MACO1: variants seen among roughly 807,000 people sequenced by gnomAD.
The protein encoded by MACO1 is macoilin 1, also known as macoilin.
MACO1 carries 14 observed loss-of-function variants against 78.7 expected under a neutral mutation model. The observed-to-expected ratio is 0.18, with a 90% CI of 0.12 to 0.28. The LOEUF (loss-of-function observed/expected upper bound fraction) is 0.28, where lower values mean the gene tolerates loss of function less well. Ranked by LOEUF, MACO1 falls within the 10% of genes least tolerant of loss-of-function variation. The pLI, the probability that MACO1 is intolerant of heterozygous loss-of-function variation, is 1.00. For synonymous variants in MACO1, 288 were observed against 291.6 expected, an observed-to-expected ratio of 0.99 and a Z score of 0.12; for missense variants, 501 against 799.0, an observed-to-expected ratio of 0.63 and a Z score of 4.50.
chr1:25,430,978 A>C lies in MACO1; in HGVS notation c.-121A>C, dbSNP rs1049906542. 7.1e-5 allele frequency: 23 copies of C among 324,768 alleles called. No individual in the cohort carries two copies. In the East Asian group the frequency reaches 1.1e-3, roughly 15 times the overall value. 20.1% of individuals were successfully genotyped at this position (324,768 alleles called of 1,614,324 possible). On this transcript the variant is annotated 5_prime_UTR_variant, in exon 1 of 11. It removes an upstream start codon present in the reference 5' UTR. Transcript: ENST00000374343. Reference sequence around the variant, plus strand: ...CCCCCTCCCCCCGGGTGCTGGCTCCATGTCTGTGTGACCGGCCTCAGGGGT... The same window carrying C: ...CCCCCTCCCCCCGGGTGCTGGCTCCCTGTCTGTGTGACCGGCCTCAGGGGT...
chr1:25,434,192 G>A (rs1246167200), intron 1 of MACO1, among the ~76,000 whole-genome samples: 1 of 152,160 alleles, frequency 6.6e-6, no homozygotes, highest in Non-Finnish European at 1.5e-5. Flanking sequence ...AGTGAAACAT[G>A]CTATAGAAAT....
chr1:25,455,233 TTC>T (rs1419782535), intron 4 of MACO1, among the ~76,000 whole-genome samples: 4 of 152,174 alleles, frequency 2.6e-5, no homozygotes, highest in Non-Finnish European at 5.9e-5. Flanking sequence ...TGAATATTAT[TTC>T]TCTTTATGTT....
At chr1:25,440,845 A>G (rs182461811) in intron 1 of MACO1, among the ~76,000 whole-genome samples, 169 of 152,212 alleles carry the variant, frequency 1.1e-3, no homozygotes, top group Admixed American at 7.6e-3. Context: ...ACATTTTTGC[A>G]TAGCTCTTTA....
intron 6 of MACO1, among the ~76,000 whole-genome samples, chr1:25,474,322 A>AC (rs1264853660): frequency 6.6e-6 from 1 of 152,062 alleles, no homozygotes; most frequent in African/African-American, 2.4e-5. Flanking sequence ...CCAGTTTGCA[A>AC]CCTCTGTGCC....
intron 1 of MACO1, among the ~76,000 whole-genome samples, chr1:25,444,807 G>A (rs568336296): frequency 7.9e-5 from 12 of 152,048 alleles, no homozygotes; most frequent in East Asian, 1.9e-4. Flanking sequence ...GGCTGGTCTC[G>A]AACTCCTGGA....
intron 6 of MACO1, 63 bp downstream of exon 6, chr1:25,458,955 C>T (rs1214426024): frequency 1.3e-6 from 2 of 1,544,498 alleles, no homozygotes; most frequent in African/African-American, 1.4e-5. Context: ...TCTTGACATA[C>T]TCCCATATGG....
Position 25,498,447 on chromosome 1 carries a change from A to G in MACO1, c.1976A>G (p.Tyr659Cys). 6.2e-7 allele frequency: 1 copy of G among 1,611,652 alleles called. No individual in the cohort carries two copies. Among genetic ancestry groups the G allele is most frequent in the Non-Finnish European group, 8.5e-7 (1 of 1,179,122 alleles). Residue 659 changes from tyrosine to cysteine, a missense_variant, in exon 11 of 11, where the codon TAC (tyrosine) becomes TGC (cysteine). Around this residue, in one of 5 missense-constraint regions of MACO1, gnomAD observed 66 missense variants for 101.6 expected, o/e 0.65. Coordinates refer to ENST00000374343, the MANE Select transcript of MACO1 (RefSeq NM_018202.6). The part of the protein sequence containing the change: ...PSGLDPNASV[Y>C]QPLKK ...GGACTTGACCCCAATGCCTCTGTTT[A>G]CCAGCCCCTGAAGAAATGAAGGCCA...
intron 3 of MACO1, among the ~76,000 whole-genome samples, chr1:25,452,441 T>G (rs954823184): frequency 1.4e-4 from 21 of 152,216 alleles, no homozygotes; most frequent in Non-Finnish European, 1.5e-5. Flanking sequence ...TGTTTTTAAT[T>G]ACAAAGGGAA....
At chr1:25,433,997 G>C (rs2042898529) in intron 1 of MACO1, among the ~76,000 whole-genome samples, 1 of 152,172 alleles carries the variant, frequency 6.6e-6, no homozygotes, top group Admixed American at 6.5e-5. Flanking sequence ...TCCTGTTGTG[G>C]ACTCACTTTT....
intron 6 of MACO1, among the ~76,000 whole-genome samples, chr1:25,474,508 C>T (rs902618416): frequency 2.0e-5 from 3 of 152,184 alleles, no homozygotes; most frequent in South Asian, 4.1e-4. Context: ...GTCTTCTGTG[C>T]TCCTAGAAAA....
intron 1 of MACO1, among the ~76,000 whole-genome samples, chr1:25,435,770 T>C (rs981830891): frequency 1.2e-4 from 18 of 152,344 alleles, no homozygotes; most frequent in Admixed American, 3.3e-4. Flanking sequence ...TAGAGGAGTG[T>C]TGGGGAAGGA....
chr1:25,480,605 A>C (rs1031242387), intron 6 of MACO1, among the ~76,000 whole-genome samples: 1 of 152,100 alleles, frequency 6.6e-6, no homozygotes, highest in African/African-American at 2.4e-5. Context: ...AGTCTTTGAT[A>C]AAATTTTTAT....
At chr1:25,470,070 T>A (rs987931305) in intron 6 of MACO1, among the ~76,000 whole-genome samples, 1 of 152,226 alleles carries the variant, frequency 6.6e-6, no homozygotes, top group Non-Finnish European at 1.5e-5. Context: ...ATTTGTTGAA[T>A]AGAAAGGACT....
intron 6 of MACO1, among the ~76,000 whole-genome samples, chr1:25,459,487 AT>A (rs67989933): frequency 0.29 from 43,081 of 146,332 alleles, 7,767 homozygotes; most frequent in Non-Finnish European, 0.43. Context: ...AATTAAAAGA[AT>A]TTTTTTTTTT....
At chr1:25,460,406 GTT>G (rs1175896905) in intron 6 of MACO1, among the ~76,000 whole-genome samples, 16 of 140,092 alleles carry the variant, frequency 1.1e-4, no homozygotes, top group Admixed American at 1.4e-4. Flanking sequence ...TCCTACACAT[GTT>G]TTTTTTTTTT....
At chr1:25,455,689 G>A (rs777158435) in intron 4 of MACO1, among the ~76,000 whole-genome samples, 10 of 152,100 alleles carry the variant, frequency 6.6e-5, no homozygotes, top group African/African-American at 9.7e-5. Context: ...TTAATTTGGT[G>A]ATACAAACCA....
intron 8 of MACO1, among the ~76,000 whole-genome samples, chr1:25,488,639 G>A (rs1457539267): frequency 8.0e-5 from 12 of 150,008 alleles, no homozygotes; most frequent in African/African-American, 2.2e-4. Flanking sequence ...GATTACAGAT[G>A]TGTGCCACTA....
At chr1:25,453,150 C>T (rs1276327357) in intron 3 of MACO1, among the ~76,000 whole-genome samples, 5 of 150,890 alleles carry the variant, frequency 3.3e-5, no homozygotes, top group Non-Finnish European at 5.9e-5. Flanking sequence ...AGATTACAGG[C>T]GCCTGCCACC....
At chr1:25,497,798 C>T (rs925801175) in intron 10 of MACO1, among the ~76,000 whole-genome samples, 1 of 152,214 alleles carries the variant, frequency 6.6e-6, no homozygotes, top group African/African-American at 2.4e-5. Context: ...CAAAAAAATT[C>T]CAGCTCAAGA....
Sources: gnomAD v4.1 joint callset for allele counts (sites outside exome capture counted in the v4.1 genomes callset) on GRCh38, gnomAD v4.1.1 for gene constraint, gnomAD v4.1.1 regional missense constraint, MANE v1.5 for transcripts, NCBI Gene and HGNC (gene_info 2026-07-23, HGNC 2026-07-21) for gene names.